GABRG3: variants seen among roughly 807,000 people sequenced by gnomAD.
GABRG3 encodes gamma-aminobutyric acid receptor subunit gamma-3.
A neutral mutation model predicts 48.8 loss-of-function variants in GABRG3; 25 were observed. The ratio of observed to expected loss-of-function variants is 0.51; its 90% CI spans 0.37 to 0.72. The LOEUF (loss-of-function observed/expected upper bound fraction) is 0.72, where lower values mean the gene tolerates loss of function less well. Ranked by LOEUF, GABRG3 falls within the 30% of genes least tolerant of loss-of-function variation. The pLI is 0.00. For missense variants in GABRG3, 394 were observed against 577.9 expected, an observed-to-expected ratio of 0.68 and a Z score of 3.26; for synonymous variants, 227 against 217.6, an observed-to-expected ratio of 1.04 and a Z score of -0.38.
At chr15:27,285,967 G>A (rs1026055049) in intron 3 of GABRG3, among the ~76,000 whole-genome samples, 9 of 152,188 alleles carry the variant, frequency 5.9e-5, no homozygotes, top group African/African-American at 1.2e-4. Flanking sequence ...TTGGCCCATC[G>A]TAGGATCTTC....
chr15:27,064,421 A>G (rs1178338232), intron 3 of GABRG3, among the ~76,000 whole-genome samples: 3 of 152,162 alleles, frequency 2.0e-5, no homozygotes, highest in African/African-American at 7.2e-5. Context: ...CTCTTCGTCC[A>G]TGAATCTCAC....
chr15:27,310,439 G>C (rs904130585), intron 3 of GABRG3, among the ~76,000 whole-genome samples: 22 of 152,104 alleles, frequency 1.4e-4, no homozygotes, highest in South Asian at 8.3e-4. Flanking sequence ...TTATTCTATA[G>C]AGTTAACTAT....
chr15:27,010,945 C>T (rs1895674781), intron 2 of GABRG3, among the ~76,000 whole-genome samples: 1 of 152,042 alleles, frequency 6.6e-6, no homozygotes, highest in African/African-American at 2.4e-5. Context: ...TCCCGGGTTC[C>T]AGCGATTCTC....
chr15:27,374,266 G>A (rs60381093), intron 5 of GABRG3, among the ~76,000 whole-genome samples: 21,945 of 149,444 alleles, frequency 0.15, 2,398 homozygotes, highest in African/African-American at 0.31. Flanking sequence ...CTGAGTAGCT[G>A]AGACTACAGG....
At chr15:27,058,252 A>G (rs1048307985) in intron 3 of GABRG3, among the ~76,000 whole-genome samples, 1 of 152,192 alleles carries the variant, frequency 6.6e-6, no homozygotes, top group Non-Finnish European at 1.5e-5. Context: ...AGGTGTTCCC[A>G]TTTACGGTGC....
chr15:27,323,490 A>G (rs1893500670), intron 3 of GABRG3, among the ~76,000 whole-genome samples: 1 of 152,174 alleles, frequency 6.6e-6, no homozygotes, highest in Non-Finnish European at 1.5e-5. Context: ...AAATGCCCAT[A>G]TGTGCCTCCC....
chr15:27,133,374 T>C (rs1755868907), intron 3 of GABRG3, among the ~76,000 whole-genome samples: 1 of 152,216 alleles, frequency 6.6e-6, no homozygotes, highest in Non-Finnish European at 1.5e-5. Context: ...TAATCAGTTA[T>C]GTATTATTAA....
intron 5 of GABRG3, among the ~76,000 whole-genome samples, chr15:27,446,782 G>A (rs1260813184): frequency 6.6e-6 from 1 of 152,170 alleles, no homozygotes; most frequent in African/African-American, 2.4e-5. Context: ...TTTAGAGACA[G>A]AAAGACTTTC....
In GABRG3 at chr15:27,161,478, A is replaced by G. The variant is rs539208744; in HGVS notation, c.270+134657A>G. ...AACCTCCATCTTTTACAATGTCTGC[A>G]TACGTTTTTAATGATGCTTTTTGAT... is the stretch of plus-strand genomic sequence containing the variant. On this transcript the variant is annotated intron_variant, in intron 3 of 9. Coordinates refer to ENST00000615808, the MANE Select transcript of GABRG3 (RefSeq NM_033223.5). Among the ~76,000 whole-genome samples, 13 of 152,304 alleles carry G rather than the reference A, an allele frequency of 8.5e-5. 1 individual carries two copies. In the South Asian group the frequency reaches 1.5e-3, roughly 17 times the overall value.
chr15:27,420,981 C>T (rs187831839), intron 5 of GABRG3, among the ~76,000 whole-genome samples: 50 of 152,254 alleles, frequency 3.3e-4, no homozygotes, highest in South Asian at 2.9e-3. Flanking sequence ...TTGTGCCACT[C>T]GAATTTAAAA....
chr15:27,267,308 T>C (rs749872209), intron 3 of GABRG3, among the ~76,000 whole-genome samples: 1 of 152,176 alleles, frequency 6.6e-6, no homozygotes, highest in South Asian at 2.1e-4. Flanking sequence ...GGTTTCACCA[T>C]GTTGGCCAGG....
intron 3 of GABRG3, among the ~76,000 whole-genome samples, chr15:27,130,679 A>T (rs1347046608): frequency 6.6e-6 from 1 of 152,098 alleles, no homozygotes; most frequent in Non-Finnish European, 1.5e-5. Context: ...TAAACACAGA[A>T]TCTTTCCATT....
intron 3 of GABRG3, among the ~76,000 whole-genome samples, chr15:27,029,431 TA>T (rs1318341991): frequency 1.8e-5 from 2 of 111,768 alleles, no homozygotes; most frequent in African/African-American, 6.7e-5. Context: ...AGGATTTGTT[TA>T]AAATGCACAC....
At chr15:26,972,901 A>G in intron 1 of GABRG3, among the ~76,000 whole-genome samples, 1 of 152,142 alleles carries the variant, frequency 6.6e-6, no homozygotes, top group African/African-American at 2.4e-5. Context: ...TTTCAAAGAG[A>G]CAGAGCACTC....
At chr15:26,990,792 A>C (rs1895232798) in intron 2 of GABRG3, among the ~76,000 whole-genome samples, 1 of 145,516 alleles carries the variant, frequency 6.9e-6, no homozygotes, top group Non-Finnish European at 1.5e-5. Flanking sequence ...TGAAACCTTT[A>C]ATCCATTTTG....
intron 3 of GABRG3, among the ~76,000 whole-genome samples, chr15:27,269,836 A>G (rs1041758212): frequency 6.6e-6 from 1 of 152,172 alleles, no homozygotes; most frequent in Admixed American, 6.5e-5. Flanking sequence ...TTTCATATAT[A>G]TATATCCATA....
intron 6 of GABRG3, among the ~76,000 whole-genome samples, chr15:27,489,081 ATG>A (rs1225461647): frequency 7.3e-6 from 1 of 137,854 alleles, no homozygotes; most frequent in East Asian, 2.1e-4. Context: ...CCCTGAGTCC[ATG>A]TGTTCTCATT....
intron 5 of GABRG3, among the ~76,000 whole-genome samples, chr15:27,455,429 A>G (rs1447193419): frequency 2.0e-5 from 3 of 148,292 alleles, no homozygotes; most frequent in South Asian, 4.3e-4. Context: ...ATTTGTGTAT[A>G]TGTGCATGGT....
intron 3 of GABRG3, among the ~76,000 whole-genome samples, chr15:27,303,426 A>G (rs1196122615): frequency 6.6e-6 from 1 of 151,836 alleles, no homozygotes; most frequent in African/African-American, 2.4e-5. Flanking sequence ...GAATGGTCTT[A>G]TGACCATTAA....
Sources: allele counts gnomAD v4.1 joint callset (sites outside exome capture counted in the v4.1 genomes callset), GRCh38; gene constraint gnomAD v4.1.1; transcripts MANE v1.5; gene names NCBI Gene and HGNC (gene_info 2026-07-23, HGNC 2026-07-21).